Variants in ANKFN1 observed in about 807,000 individuals in gnomAD.
The protein encoded by ANKFN1 is ankyrin repeat and fibronectin type III domain containing 1, also known as ankyrin repeat and fibronectin type-III domain-containing protein 1.
ANKFN1 carries 74 observed loss-of-function variants against 108.7 expected under a neutral mutation model. That is an observed-to-expected ratio of 0.68 (90% confidence interval 0.56 to 0.83). ANKFN1 has a LOEUF of 0.83. Among genes scored for constraint, ANKFN1 ranks in the 40% least tolerant of loss-of-function variants. ANKFN1 has a pLI of 0.00. For synonymous variants in ANKFN1, 547 were observed against 516.2 expected (o/e 1.06, Z -0.81); for missense variants, 1,505 against 1,382.3 (o/e 1.09, Z -1.41).
At chr17:56,325,518 T>A (rs1425350997) in intron 3 of ANKFN1, among the ~76,000 whole-genome samples, 2 of 152,238 alleles carry the variant, frequency 1.3e-5, no homozygotes, top group Non-Finnish European at 2.9e-5. Flanking sequence ...GAAGCAGCAC[T>A]GGAATCTTCT....
chr17:56,237,540 C>T (rs1029225099), intron 3 of ANKFN1, among the ~76,000 whole-genome samples: 7 of 152,118 alleles, frequency 4.6e-5, no homozygotes, highest in Non-Finnish European at 8.8e-5. Flanking sequence ...ATTTATCCAT[C>T]TCTTCTAGGT....
intron 1 of ANKFN1, among the ~76,000 whole-genome samples, chr17:56,178,581 C>G (rs1177170435): frequency 6.6e-6 from 1 of 151,490 alleles, no homozygotes; most frequent in African/African-American, 2.4e-5. Context: ...TAGGCTTTTC[C>G]CAAATCAGAC....
chr17:56,419,088 C>T (rs1257422723), intron 8 of ANKFN1, among the ~76,000 whole-genome samples: 1 of 152,242 alleles, frequency 6.6e-6, no homozygotes, highest in Non-Finnish European at 1.5e-5. Context: ...TGGGAACCAA[C>T]TCATCAGGTC....
At chr17:56,425,447 C>A (rs2048533104) in intron 8 of ANKFN1, among the ~76,000 whole-genome samples, 1 of 152,176 alleles carries the variant, frequency 6.6e-6, no homozygotes, top group Non-Finnish European at 1.5e-5. Context: ...TCCTAAAATG[C>A]AAATCTGATC....
At chr17:56,492,955 C>T (rs2051089078) in intron 19 of ANKFN1, among the ~76,000 whole-genome samples, 1 of 152,130 alleles carries the variant, frequency 6.6e-6, no homozygotes, top group African/African-American at 2.4e-5. Context: ...TTGGATCTGG[C>T]CTGAAATTGC....
intron 1 of ANKFN1, among the ~76,000 whole-genome samples, chr17:56,179,138 A>G (rs951488126): frequency 6.6e-6 from 1 of 152,208 alleles, no homozygotes; most frequent in African/African-American, 2.4e-5. Context: ...CTGCAAATCC[A>G]TACCAACTTT....
chr17:56,510,845 C>G lies in ANKFN1; in HGVS notation c.3017C>G (p.Pro1006Arg). Residue 1006 changes from proline to arginine, a missense_variant, in exon 21 of 21, where the codon CCC becomes CGC. Physicochemically the swap from Pro to Arg is moderately radical, Grantham distance 103. Coordinates refer to ENST00000682825, the MANE Select transcript of ANKFN1 (RefSeq NM_001370326.1). ...GGAAAGCGGAAGCCAGGCAAGCACC[C>G]CCACTATGGCGGCTTCAGCCGCCAT... is the stretch of plus-strand genomic sequence containing the variant. ...FLGKRKPGKH[P>R]HYGGFSRHHR... 6.5e-7 allele frequency: 1 copy of G among 1,536,140 alleles called. No individual in the cohort carries two copies. Among genetic ancestry groups the G allele is most frequent in the Non-Finnish European group, 8.7e-7 (1 of 1,146,906 alleles).
intron 3 of ANKFN1, among the ~76,000 whole-genome samples, chr17:56,288,421 C>A (rs910235481): frequency 6.6e-6 from 1 of 151,206 alleles, no homozygotes; most frequent in Admixed American, 6.6e-5. Context: ...TATATATTTT[C>A]TTTTATCTGT....
Position 56,510,793 on chromosome 17 carries a change from G to C in ANKFN1, c.2965G>C (p.Gly989Arg), listed in dbSNP as rs749165760. The C allele has an allele frequency of 3.3e-6, 5 of 1,536,140 alleles. No homozygotes were observed. The highest frequency in any genetic ancestry group is 4.4e-6 in the Non-Finnish European group (5 of 1,146,894). ...CAAGAACCACGCCAAGACTGTGTCCGGTGGGCGGCCCCCGCTAGGCTTCCT... is the reference window on the plus strand; with the variant it reads ...CAAGAACCACGCCAAGACTGTGTCCCGTGGGCGGCCCCCGCTAGGCTTCCT... ...TPKNHAKTVS[G>R]GRPPLGFLGK... is the part of the protein sequence containing the mutation. The change falls in exon 21 of 21, where the codon GGT (glycine) becomes CGT (arginine). Residue 989 changes from glycine (G) to arginine (R), a missense_variant. Gly to Arg is a moderately radical substitution (Grantham distance 125, BLOSUM62 -2). Transcript: ENST00000682825.
At chr17:56,234,149 T>C (rs905750012) in intron 3 of ANKFN1, among the ~76,000 whole-genome samples, 1 of 152,180 alleles carries the variant, frequency 6.6e-6, no homozygotes, top group Non-Finnish European at 1.5e-5. Flanking sequence ...TAAATGCTGC[T>C]GCCATGGCCA....
chr17:56,087,072 C>T (rs1032224665), intron 4 of ANKFN1, among the ~76,000 whole-genome samples: 3 of 151,320 alleles, frequency 2.0e-5, no homozygotes, highest in African/African-American at 7.3e-5. Context: ...GCTGCCACTA[C>T]TACTACTGAG....
At chr17:56,253,830 A>G (rs1403525603) in intron 3 of ANKFN1, among the ~76,000 whole-genome samples, 4 of 152,328 alleles carry the variant, frequency 2.6e-5, no homozygotes, top group Admixed American at 6.5e-5. Flanking sequence ...CCGGGATAAC[A>G]CTTACACCAC....
intron 3 of ANKFN1, among the ~76,000 whole-genome samples, chr17:56,292,422 T>C (rs774332588): frequency 5.3e-5 from 8 of 152,206 alleles, no homozygotes; most frequent in Middle Eastern, 3.4e-3. Context: ...GGACCGTGCC[T>C]GGGGGAAATA....
intron 4 of ANKFN1, among the ~76,000 whole-genome samples, chr17:56,094,547 AGGCTG>A (rs1282029682): frequency 2.5e-5 from 3 of 118,608 alleles, no homozygotes; most frequent in Non-Finnish European, 4.8e-5. Context: ...CCAGGCTGCC[AGGCTG>A]GAGTGCAGTG....
intron 3 of ANKFN1, among the ~76,000 whole-genome samples, chr17:56,302,032 T>A (rs1264241767): frequency 6.6e-6 from 1 of 152,242 alleles, no homozygotes; most frequent in Non-Finnish European, 1.5e-5. Flanking sequence ...TTAAGCCTGG[T>A]CCTGGATCAT....
At position 56,457,970 on chromosome 17, in the gene ANKFN1, A is replaced by T. The variant is rs2049771135; in HGVS notation, c.1548A>T (p.Ala516=). 1 of 1,613,704 alleles carries T rather than the reference A, an allele frequency of 6.2e-7. No individual in the cohort carries two copies. The highest frequency in any genetic ancestry group is 8.5e-7 in the Non-Finnish European group (1 of 1,179,812). Residue 516 remains alanine, a synonymous_variant, in exon 14 of 21, where the codon GCA becomes GCT. Coordinates refer to ENST00000682825, the MANE Select transcript of ANKFN1 (RefSeq NM_001370326.1). ...QTRQKMLAAT[A]QLQNLLGTHN... ...GGCAGAAGATGCTCGCAGCAACAGCACAGCTACAGGTAAGGGACCAGGTTT... is the reference window on the plus strand; with the variant it reads ...GGCAGAAGATGCTCGCAGCAACAGCTCAGCTACAGGTAAGGGACCAGGTTT...
chr17:56,351,423 A>T (rs2046245096), intron 5 of ANKFN1, among the ~76,000 whole-genome samples: 1 of 148,092 alleles, frequency 6.8e-6, no homozygotes, highest in African/African-American at 2.5e-5. Context: ...AGAGAGGAGG[A>T]AGGAAGGAAA....
At chr17:56,480,540 A>G (rs2050658544) in intron 16 of ANKFN1, 128 bp from the exon 17 acceptor site, 1 of 998,240 alleles carries the variant, frequency 1.0e-6, no homozygotes, top group South Asian at 1.7e-5. Context: ...TTCAAATTTC[A>G]TGAATTACAC....
At chr17:56,201,303 C>A (rs1218676241) in intron 1 of ANKFN1, among the ~76,000 whole-genome samples, 1 of 152,176 alleles carries the variant, frequency 6.6e-6, no homozygotes, top group Non-Finnish European at 1.5e-5. Flanking sequence ...ACTATTCCCT[C>A]CTCTCTTTTC....
Sources: allele counts gnomAD v4.1 joint callset (sites outside exome capture counted in the v4.1 genomes callset), GRCh38; gene constraint gnomAD v4.1.1; transcripts MANE v1.5; gene names NCBI Gene and HGNC (gene_info 2026-07-23, HGNC 2026-07-21).